Variants in COX15 observed in about 807,000 individuals in gnomAD.
COX15 encodes the protein cytochrome c oxidase assembly factor COX15, also known as heme A synthase COX15.
Under a neutral mutation model 51.9 loss-of-function variants are expected in COX15, and 51 were observed. That is an observed-to-expected ratio of 0.98 (90% CI 0.78 to 1.24). The LOEUF (loss-of-function observed/expected upper bound fraction) is 1.24, where lower values mean the gene tolerates loss of function less well. Among genes scored for constraint, COX15 ranks in the 50% most tolerant of loss-of-function variants. COX15 has a pLI of 0.00. For missense variants in COX15, 420 were observed against 501.1 expected (o/e 0.84, Z 1.55); for synonymous variants, 188 against 190.5 (o/e 0.99, Z 0.11).
chr10:99,720,390 G>A (rs943148653), intron 6 of COX15, among the ~76,000 whole-genome samples: 1 of 152,136 alleles, frequency 6.6e-6, no homozygotes, highest in African/African-American at 2.4e-5. Flanking sequence ...AGGTTGCAGT[G>A]AGCTGAGATC....
chr10:99,723,069 C>T (rs1210282744), intron 5 of COX15: 1 of 152,068 alleles, frequency 6.6e-6, no homozygotes, highest in Non-Finnish European at 1.5e-5. Context: ...CTTAAGAGTC[C>T]TGCTGTCATC....
intron 8 of COX15, among the ~76,000 whole-genome samples, chr10:99,715,034 T>C (rs943906348): frequency 1.3e-5 from 2 of 152,234 alleles, no homozygotes; most frequent in African/African-American, 4.8e-5. Context: ...AAAAAACATA[T>C]TGTTCTGTCA....
chr10:99,726,902 A>C, intron 4 of COX15, 66 bp downstream of exon 4: 1 of 1,492,968 alleles, frequency 6.7e-7, no homozygotes. Flanking sequence ...AAAAAAAAAA[A>C]AAAACAATGC....
At position 99,711,928 on chromosome 10, in the gene COX15, G is replaced by A. The variant is rs1023921785; in HGVS notation, c.*2659C>T. On this transcript the variant is annotated 3_prime_UTR_variant, in exon 9 of 9. Coordinates refer to ENST00000016171, the MANE Select transcript of COX15 (RefSeq NM_078470.6). ...CATGGCGCTGGCATCTGCTTCTGGT[G>A]AGGGCCTCACGAAGCTTACAATCAT... The A allele has an allele frequency of 1.6e-5, 11 of 678,296 alleles. No individual in the cohort carries two copies. The highest frequency in any genetic ancestry group is 2.0e-5 in the Non-Finnish European group (11 of 549,700). The allele number at this position is 678,296 out of a possible 1,614,324, so 42.0% of individuals were successfully genotyped here.
intron 3 of COX15, 121 bp downstream of exon 3, chr10:99,727,320 C>G: frequency 7.9e-6 from 12 of 1,510,966 alleles, no homozygotes; most frequent in Non-Finnish European, 1.1e-5. Context: ...GCTTAGAAGA[C>G]AAGCTGACTA....
chr10:99,708,508 T>G (rs1383602531), downstream of COX15, among the ~76,000 whole-genome samples: 1 of 152,198 alleles, frequency 6.6e-6, no homozygotes, highest in Non-Finnish European at 1.5e-5. Context: ...CATCTCTGGT[T>G]CGGTTCTCAT....
At position 99,732,009 on chromosome 10, in the gene COX15, C is replaced by G. The variant is rs1554842324; in HGVS notation, c.41G>C (p.Gly14Ala). Residue 14 changes from glycine to alanine, a missense_variant, in exon 1 of 9, where the codon GGG becomes GCG. By Grantham distance (60) the Gly-to-Ala change is moderately conservative (BLOSUM62 0). Transcript: ENST00000016171. ...AGCCAGGAGCGGCAGATACTGCCTC[C>G]CCTTCAAGGCCCTCAACGGCGGAAA... ...LLFPPLRALK[G>A]RQYLPLLAPR... is the part of the protein sequence containing the mutation. 1 of 1,613,126 alleles carries G rather than the reference C, an allele frequency of 6.2e-7. No individual in the cohort carries two copies. Among genetic ancestry groups the G allele is most frequent in the Middle Eastern group, 1.6e-4 (1 of 6,062 alleles).
At chr10:99,723,704 A>G (rs2036852596) in intron 5 of COX15, among the ~76,000 whole-genome samples, 1 of 152,170 alleles carries the variant, frequency 6.6e-6, no homozygotes, top group Non-Finnish European at 1.5e-5. Context: ...GAAGTTCAGA[A>G]ACACCTCTGT....
In COX15 at chr10:99,711,228, A is replaced by G; in HGVS notation, c.*3359T>C. On this transcript the variant is annotated 3_prime_UTR_variant, in exon 9 of 9. Coordinates refer to ENST00000016171, the MANE Select transcript of COX15 (RefSeq NM_078470.6). ...TAATAAAAGAAAAATGAAGTAAAAC[A>G]TCTGAAACCTTAACTTACTCATGAG... 1 of 985,416 alleles carries G rather than the reference A, an allele frequency of 1.0e-6. No homozygotes were observed. The highest frequency in any genetic ancestry group is 1.2e-6 in the Non-Finnish European group (1 of 829,892). 61.0% of individuals were successfully genotyped at this position (985,416 alleles called of 1,614,324 possible).
intron 5 of COX15, chr10:99,722,972 T>A (rs548895371): frequency 6.6e-6 from 1 of 152,190 alleles, no homozygotes. Flanking sequence ...CCAATTTGGC[T>A]TCTCTGTGGG....
At chr10:99,702,497 A>G in the COX15 span, 3 of 1,517,588 alleles carry the variant, frequency 2.0e-6, no homozygotes, top group Non-Finnish European at 2.6e-6. Context: ...AAATTTAATT[A>G]TTTTTGTCAC....
chr10:99,710,482 C>T (rs2036346586), downstream of COX15: 1 of 985,262 alleles, frequency 1.0e-6, no homozygotes, highest in Non-Finnish European at 1.2e-6. Context: ...GCCTGTATTA[C>T]ATTGCTTTGG....
At chr10:99,698,928 G>C in the COX15 span, 1 of 1,431,620 alleles carries the variant, frequency 7.0e-7, no homozygotes, top group Non-Finnish European at 9.5e-7. Flanking sequence ...CTCTGTGCCA[G>C]GTGCTGTGCA....
At chr10:99,694,824 A>ACCATGC in the COX15 span, among the ~76,000 whole-genome samples, 1 of 152,222 alleles carries the variant, frequency 6.6e-6, no homozygotes, top group Non-Finnish European at 1.5e-5. Flanking sequence ...GGCATGAGCC[A>ACCATGC]CCATGCCCAC....
chr10:99,710,178 G>A, downstream of COX15: 1 of 985,400 alleles, frequency 1.0e-6, no homozygotes, highest in Non-Finnish European at 1.2e-6. Flanking sequence ...ACTTTCCTAA[G>A]TGGCCCCTCC....
the COX15 span, chr10:99,705,072 A>G: frequency 1.8e-5 from 4 of 221,992 alleles, no homozygotes; most frequent in African/African-American, 9.0e-5. Context: ...ATCTGATACA[A>G]AGCCAGAGAC....
Position 99,711,402 on chromosome 10 carries a change from TAC to T in COX15, c.*3183_*3184del, listed in dbSNP as rs1469199021. 2.0e-6 allele frequency: 2 copies of T among 985,282 alleles called. No individual in the cohort carries two copies. The highest frequency in any genetic ancestry group is 2.4e-6 in the Non-Finnish European group (2 of 829,914). 61.0% of individuals were successfully genotyped at this position (985,282 alleles called of 1,614,324 possible). A position where few individuals can be genotyped will look rare whatever the true frequency, so the allele number is the denominator to read the frequency against. On this transcript the variant is annotated 3_prime_UTR_variant, in exon 9 of 9. Transcript: ENST00000016171. ...TGGTGTGGGAACCTGCCTCAGGAAC[TAC>T]AGTTCCCTTTCTTTGAAGGATTCTA...
At chr10:99,710,672 T>C (rs188328622), downstream of COX15, 279 of 985,444 alleles carry the variant, frequency 2.8e-4, no homozygotes, top group Non-Finnish European at 3.2e-4. Flanking sequence ...ATGTGTTACA[T>C]ATGCTGATAT....
chr10:99,702,804 C>T, the COX15 span: 4 of 764,992 alleles, frequency 5.2e-6, no homozygotes, highest in Non-Finnish European at 7.5e-6. Context: ...TCTACCCCCT[C>T]ACAAAAACAA....
Sources: allele counts gnomAD v4.1 joint callset (sites outside exome capture counted in the v4.1 genomes callset), GRCh38; gene constraint gnomAD v4.1.1; transcripts MANE v1.5; gene names NCBI Gene and HGNC (gene_info 2026-07-23, HGNC 2026-07-21).